Variants in CYP4V2 observed in about 807,000 individuals in gnomAD.
The protein encoded by CYP4V2 is cytochrome P450 4V2.
In CYP4V2, 55 loss-of-function variants were observed where a neutral mutation model predicts 60.8. That is an observed-to-expected ratio of 0.90 (90% CI 0.73 to 1.13). The LOEUF is 1.13. CYP4V2 is among the 50% of genes most tolerant of loss of function. The probability of loss-of-function intolerance (pLI) is 0.00; values close to 1 mark genes in which losing one functional copy is unlikely to be tolerated. For synonymous variants in CYP4V2, 239 were observed against 236.8 expected, an observed-to-expected ratio of 1.01 and a Z score of -0.08; for missense variants, 675 against 662.9, an observed-to-expected ratio of 1.02 and a Z score of -0.20.
At position 186,210,971 on chromosome 4, in the gene CYP4V2, G is replaced by T; in HGVS notation, c.*330G>T. On this transcript the variant is annotated 3_prime_UTR_variant, in exon 11 of 11. Transcript: ENST00000378802. ...TCTGCCTCAGCCTCCCAAGTAGCTGGGATTACAGGTGCCTGCCACCATGCC... is the reference window on the plus strand; with the variant it reads ...TCTGCCTCAGCCTCCCAAGTAGCTGTGATTACAGGTGCCTGCCACCATGCC... 2 of 252,114 alleles carry T rather than the reference G, an allele frequency of 7.9e-6. No homozygotes were observed. The highest frequency in any genetic ancestry group is 4.7e-5 in the South Asian group (1 of 21,390). The allele number at this position is 252,114 out of a possible 1,614,324, so 15.6% of individuals were successfully genotyped here.
chr4:186,193,386 A>G (rs943430065), intron 1 of CYP4V2, among the ~76,000 whole-genome samples: 1 of 152,224 alleles, frequency 6.6e-6, no homozygotes, highest in Non-Finnish European at 1.5e-5. Context: ...TTCTCCTTGT[A>G]GTCACTTTCA....
chr4:186,203,018 CTACA>C (rs146120446), intron 7 of CYP4V2: 30,572 of 151,880 alleles, frequency 0.2, 3,476 homozygotes, highest in South Asian at 0.45. Context: ...ATGTACACAC[CTACA>C]TACACACATG....
intron 6 of CYP4V2, among the ~76,000 whole-genome samples, chr4:186,200,603 G>A (rs942253888): frequency 1.8e-4 from 28 of 152,272 alleles, no homozygotes; most frequent in African/African-American, 6.7e-4. Context: ...TAGGGACAGG[G>A]GTAGCAGGGA....
intron 9 of CYP4V2, 33 bp from the exon 10 acceptor site, chr4:186,209,060 C>T (rs549233946): frequency 4.7e-5 from 76 of 1,613,980 alleles, no homozygotes; most frequent in South Asian, 1.1e-4. Context: ...TACCTTGCTC[C>T]GGTCTCATAA....
chr4:186,196,884 CTT>C (rs897369199), intron 3 of CYP4V2, 54 bp from the exon 4 acceptor site: 16 of 1,516,978 alleles, frequency 1.1e-5, no homozygotes, highest in Non-Finnish European at 1.2e-5. Flanking sequence ...TTACTTTTCT[CTT>C]TCTCTCTCTC....
chr4:186,210,093 G>T (rs1736658134), intron 10 of CYP4V2, among the ~76,000 whole-genome samples: 1 of 152,202 alleles, frequency 6.6e-6, no homozygotes, highest in Admixed American at 6.5e-5. Flanking sequence ...TGTCATTTAT[G>T]TAAATGCAGA....
chr4:186,196,157 A>T, intron 3 of CYP4V2, 69 bp downstream of exon 3: 2 of 1,322,430 alleles, frequency 1.5e-6, no homozygotes, highest in Non-Finnish European at 2.2e-6. Flanking sequence ...TGTTATTTCA[A>T]GAATTAACAC....
chr4:186,208,102 T>G (rs1197285369), intron 8 of CYP4V2, among the ~76,000 whole-genome samples: 2 of 151,818 alleles, frequency 1.3e-5, no homozygotes, highest in African/African-American at 4.8e-5. Flanking sequence ...ATCCAGTACC[T>G]TGATCCACGT....
rs1736231877 is a variant in CYP4V2 at position 186,198,970 on chromosome 4, A to G, written c.688A>G (p.Ile230Val). 1 of 1,614,152 alleles carries G rather than the reference A, an allele frequency of 6.2e-7. No individual in the cohort carries two copies. Among genetic ancestry groups the G allele is most frequent in the Non-Finnish European group, 8.5e-7 (1 of 1,179,996 alleles). ...TCCCATTTATAGAATGAGTGAGATG[A>G]TATTTCGAAGAATAAAGATGCCCTG... ...VRAVYRMSEM[I>V]FRRIKMPWLW... The change falls in exon 6 of 11, where the codon ATA (isoleucine) becomes GTA (valine). Residue 230 changes from isoleucine to valine, a missense_variant. Physicochemically the swap from Ile to Val is conservative, Grantham distance 29. Transcript: ENST00000378802.
intron 2 of CYP4V2, 45 bp downstream of exon 2, chr4:186,194,657 A>G: frequency 6.6e-7 from 1 of 1,517,074 alleles, no homozygotes; most frequent in Non-Finnish European, 9.2e-7. Flanking sequence ...TGTATCTGAC[A>G]GTGTGAGAAT....
In CYP4V2 at chr4:186,191,890, T is replaced by A. The variant is rs1436045709; in HGVS notation, c.67T>A (p.Ser23Thr). The A allele has an allele frequency of 5.7e-6, 9 of 1,591,164 alleles. No individual in the cohort carries two copies. The highest frequency in any genetic ancestry group is 7.7e-6 in the Non-Finnish European group (9 of 1,172,908). Residue 23 changes from serine (S) to threonine (T), a missense_variant, in exon 1 of 11, where the codon TCC becomes ACC. Transcript: ENST00000378802. ...LLLWGAASALSLAGASLVLSL... is the reference protein window; with the variant it reads ...LLLWGAASALTLAGASLVLSL... ...GCTGTGGGGCGCGGCGAGTGCCCTT[T>A]CCCTGGCCGGCGCCAGTCTGGTCCT...
In CYP4V2 at chr4:186,210,694, T is replaced by G; in HGVS notation, c.*53T>G. ...TGAGAAAGGTCTTTATTTTAAGAGA[T>G]CCTTGTCATTTACAATTTACAGATC... On this transcript the variant is annotated 3_prime_UTR_variant, in exon 11 of 11. Transcript: ENST00000378802. 1 of 1,606,700 alleles carries G rather than the reference T, an allele frequency of 6.2e-7. No homozygotes were observed. Among genetic ancestry groups the G allele is most frequent in the Non-Finnish European group, 8.5e-7 (1 of 1,175,172 alleles).
chr4:186,207,637 A>C (rs1736564705), intron 8 of CYP4V2, among the ~76,000 whole-genome samples: 1 of 150,018 alleles, frequency 6.7e-6, no homozygotes, highest in Non-Finnish European at 1.5e-5. Context: ...TTTTTTACTG[A>C]GGTAAATGTC....
At chr4:186,192,147 C>G (rs1422516918) in intron 1 of CYP4V2, 110 bp downstream of exon 1, 1 of 1,372,082 alleles carries the variant, frequency 7.3e-7, no homozygotes, top group African/African-American at 1.4e-5. Flanking sequence ...AGAGAGGAGC[C>G]TGTCACCCTG....
At position 186,191,693 on chromosome 4, in the gene CYP4V2, GC is replaced by G. The variant is rs200054565; in HGVS notation, c.-130del. The G allele has an allele frequency of 2.6e-3, 2,304 of 869,854 alleles. 39 individuals are homozygous for G. In the African/African-American group the frequency reaches 0.037, roughly 14 times the overall value. The allele number at this position is 869,854 out of a possible 1,614,324, so 53.9% of individuals were successfully genotyped here. On this transcript the variant is annotated 5_prime_UTR_variant, in exon 1 of 11. Coordinates refer to ENST00000378802, the MANE Select transcript of CYP4V2 (RefSeq NM_207352.4). ...CGGGAAACGTCGTTCCGGGGACCGG[GC>G]GACCCCGCAGCGGGGAGCGCGCCAG...
intron 3 of CYP4V2, 122 bp downstream of exon 3, chr4:186,196,210 G>A (rs1156814613): frequency 3.6e-5 from 33 of 924,448 alleles, no homozygotes; most frequent in Non-Finnish European, 5.5e-5. Flanking sequence ...TCAGAAAGGA[G>A]GAGAAAGGCT....
chr4:186,209,114 G>A lies in CYP4V2; in HGVS notation c.1247G>A (p.Gly416Asp). 1 of 1,614,120 alleles carries A rather than the reference G, an allele frequency of 6.2e-7. No homozygotes were observed. The highest frequency in any genetic ancestry group is 8.5e-7 in the Non-Finnish European group (1 of 1,180,030). Residue 416 changes from glycine (G) to aspartate (D), a missense_variant, in exon 10 of 11, where the codon GGC (glycine) becomes GAC (aspartate). Coordinates refer to ENST00000378802, the MANE Select transcript of CYP4V2 (RefSeq NM_207352.4). ...ACAGCAGGTTACAGAGTTCTAAAAG[G>A]CACTGAAGCCGTCATCATTCCCTAT... ...CEVAGYRVLKGTEAVIIPYAL... is the reference protein window; with the variant it reads ...CEVAGYRVLKDTEAVIIPYAL...
intron 3 of CYP4V2, 50 bp from the exon 4 acceptor site, chr4:186,196,890 C>G (rs746453302): frequency 1.3e-6 from 2 of 1,492,308 alleles, no homozygotes. Flanking sequence ...TTCTCTTTCT[C>G]TCTCTCTCTC....
intron 10 of CYP4V2, 93 bp from the exon 11 acceptor site, chr4:186,210,376 G>A (rs1033029616): frequency 3.2e-6 from 5 of 1,544,502 alleles, no homozygotes; most frequent in Non-Finnish European, 4.5e-6. Flanking sequence ...CTGCGAAAAT[G>A]TAAAGTGGCT....
Sources: allele counts gnomAD v4.1 joint callset (sites outside exome capture counted in the v4.1 genomes callset), GRCh38; gene constraint gnomAD v4.1.1; transcripts MANE v1.5; gene names NCBI Gene and HGNC (gene_info 2026-07-23, HGNC 2026-07-21).